The following LOC128706665 variants were observed in gnomAD, a reference collection of about 807,000 sequenced individuals.
chr20:10,415,621 A>G, the LOC128706665 span, among the ~76,000 whole-genome samples: 1 of 152,206 alleles, frequency 6.6e-6, no homozygotes, highest in Non-Finnish European at 1.5e-5. Flanking sequence ...ATTCAGCAAA[A>G]TCTGAGAAAT....
At chr20:10,416,005 C>G in the LOC128706665 span, among the ~76,000 whole-genome samples, 2 of 152,172 alleles carry the variant, frequency 1.3e-5, no homozygotes, top group African/African-American at 4.8e-5. Context: ...AACCAAACCA[C>G]TGGGGCTGGT....
At chr20:10,432,780 ACT>A in the LOC128706665 span, among the ~76,000 whole-genome samples, 1 of 89,490 alleles carries the variant, frequency 1.1e-5, no homozygotes, top group Non-Finnish European at 2.3e-5. Flanking sequence ...ACAGAGCGAG[ACT>A]CTTTGTCAAA....
the LOC128706665 span, among the ~76,000 whole-genome samples, chr20:10,421,175 T>C: frequency 6.6e-6 from 1 of 152,148 alleles, no homozygotes; most frequent in South Asian, 2.1e-4. Flanking sequence ...CACGCCTGTA[T>C]TCCCAGCACT....
chr20:10,432,478 T>G, the LOC128706665 span, among the ~76,000 whole-genome samples: 53,964 of 151,984 alleles, frequency 0.36, 11,028 homozygotes, highest in Non-Finnish European at 0.45. Context: ...CAAATCCAGA[T>G]GCTCAGGTCC....
chr20:10,424,561 C>T, the LOC128706665 span, among the ~76,000 whole-genome samples: 2 of 151,544 alleles, frequency 1.3e-5, no homozygotes, highest in South Asian at 2.1e-4. Context: ...ACCTTACTAG[C>T]AAAGCTCATT....
At chr20:10,424,144 CTG>C in the LOC128706665 span, among the ~76,000 whole-genome samples, 84 of 152,208 alleles carry the variant, frequency 5.5e-4, no homozygotes, top group African/African-American at 2.0e-3. Flanking sequence ...AAGTATCACA[CTG>C]TACATATAAT....
the LOC128706665 span, among the ~76,000 whole-genome samples, chr20:10,427,029 GACACACACACAC>G: frequency 0.21 from 27,606 of 130,648 alleles, 3,583 homozygotes; most frequent in Non-Finnish European, 0.28. Flanking sequence ...AGAAAACACT[GACACACACACAC>G]ACACACACAC....
At chr20:10,434,029 G>A in the LOC128706665 span, 1 of 152,366 alleles carries the variant, frequency 6.6e-6, no homozygotes, top group Non-Finnish European at 1.5e-5. Flanking sequence ...GGTGGAGAGG[G>A]AGGCGCCTAC....
the LOC128706665 span, among the ~76,000 whole-genome samples, chr20:10,425,184 T>C: frequency 6.6e-6 from 1 of 152,176 alleles, no homozygotes; most frequent in Admixed American, 6.6e-5. Context: ...CTTTTGGGTG[T>C]AACAAAAATG....
chr20:10,431,024 T>C, the LOC128706665 span, among the ~76,000 whole-genome samples: 27 of 152,210 alleles, frequency 1.8e-4, no homozygotes, highest in Non-Finnish European at 2.1e-4. Context: ...CTCAATGTCA[T>C]GATCTGAAAT....
the LOC128706665 span, among the ~76,000 whole-genome samples, chr20:10,420,206 A>C: frequency 3.0e-4 from 45 of 152,280 alleles, no homozygotes; most frequent in Middle Eastern, 3.4e-3. Context: ...GAAGAAAATA[A>C]TCTTGTATAA....
chr20:10,424,686 CAAACA>C, the LOC128706665 span, among the ~76,000 whole-genome samples: 1 of 152,124 alleles, frequency 6.6e-6, no homozygotes, highest in South Asian at 2.1e-4. Context: ...TACTTACAAT[CAAACA>C]TATTTTGGGG....
At chr20:10,419,446 C>T in the LOC128706665 span, among the ~76,000 whole-genome samples, 2 of 152,118 alleles carry the variant, frequency 1.3e-5, no homozygotes, top group African/African-American at 4.8e-5. Flanking sequence ...TGCAGTGAAA[C>T]TCAATTTTCA....
chr20:10,418,856 A>G, the LOC128706665 span, among the ~76,000 whole-genome samples: 1 of 152,138 alleles, frequency 6.6e-6, no homozygotes, highest in Admixed American at 6.5e-5. Context: ...ATAAAAATCC[A>G]GCACCTAATA....
At chr20:10,414,872 T>C in the LOC128706665 span, among the ~76,000 whole-genome samples, 1 of 152,182 alleles carries the variant, frequency 6.6e-6, no homozygotes, top group Non-Finnish European at 1.5e-5. Context: ...TTTTACGTTA[T>C]CAATCAATGA....
chr20:10,415,610 G>T, the LOC128706665 span, among the ~76,000 whole-genome samples: 1 of 152,172 alleles, frequency 6.6e-6, no homozygotes, highest in African/African-American at 2.4e-5. Context: ...GGCTATTACA[G>T]ATTCAGCAAA....
At chr20:10,427,506 A>C in the LOC128706665 span, among the ~76,000 whole-genome samples, 1 of 152,216 alleles carries the variant, frequency 6.6e-6, no homozygotes, top group Non-Finnish European at 1.5e-5. Context: ...TTTCTTTTAC[A>C]ATGACAATGT....
the LOC128706665 span, among the ~76,000 whole-genome samples, chr20:10,426,645 G>A: frequency 0.14 from 21,792 of 152,130 alleles, 1,755 homozygotes; most frequent in East Asian, 0.24. Flanking sequence ...TGATATGTCC[G>A]CCTCAGCCTC....
chr20:10,417,965 T>G, the LOC128706665 span, among the ~76,000 whole-genome samples: 1 of 152,180 alleles, frequency 6.6e-6, no homozygotes, highest in Non-Finnish European at 1.5e-5. Flanking sequence ...ATATTATCTA[T>G]CAAATGCAAT....
Sources: gnomAD v4.1 joint callset for allele counts (sites outside exome capture counted in the v4.1 genomes callset) on GRCh38, gnomAD v4.1.1 for gene constraint, MANE v1.5 for transcripts.